Variants in SLC35F4 observed in about 807,000 individuals in gnomAD.
The protein encoded by SLC35F4 is solute carrier family 35 member F4, also known as chromosome 14 open reading frame 36.
SLC35F4 carries 24 observed loss-of-function variants against 44.2 expected under a neutral mutation model. The observed-to-expected ratio is 0.54, with a 90% CI of 0.39 to 0.76. SLC35F4 has a LOEUF of 0.76. Ranked by LOEUF, SLC35F4 falls within the 30% of genes least tolerant of loss-of-function variation. The pLI is 0.00. For missense variants in SLC35F4, 562 were observed against 586.1 expected (o/e 0.96, Z 0.42); for synonymous variants, 238 against 223.6 (o/e 1.06, Z -0.57).
Position 57,898,485 on chromosome 14 carries a change from C to G in SLC35F4, n.282+83428G>C, listed in dbSNP as rs374592906. On this transcript the variant is annotated intron_variant and non_coding_transcript_variant, in intron 1 of 1. Coordinates refer to the SLC35F4 transcript ENST00000556568. ...CAGGAGGGTATGTGGGTGCTTTGAT[C>G]AGATCATTACTTGGACAAAAACTAG... Among the ~76,000 whole-genome samples the G allele has an allele frequency of 2.0e-5, 3 of 152,166 alleles. No individual in the cohort carries two copies. In the South Asian group the frequency reaches 6.2e-4, roughly 32 times the overall value.
chr14:57,787,016 G>T (rs570549946), intron 1 of SLC35F4, among the ~76,000 whole-genome samples: 1 of 152,116 alleles, frequency 6.6e-6, no homozygotes, highest in Non-Finnish European at 1.5e-5. Flanking sequence ...TCCAAAAAAC[G>T]ATACAAGAAG....
intron 1 of SLC35F4, among the ~76,000 whole-genome samples, chr14:57,912,651 C>T (rs1256630419): frequency 2.0e-5 from 3 of 152,028 alleles, no homozygotes; most frequent in African/African-American, 7.2e-5. Flanking sequence ...GATTTCTATT[C>T]CCTTAAATTT....
At chr14:57,833,291 A>G (rs1182749162) in intron 1 of SLC35F4, among the ~76,000 whole-genome samples, 3 of 152,222 alleles carry the variant, frequency 2.0e-5, no homozygotes, top group Admixed American at 2.0e-4. Context: ...GTGACATTAA[A>G]TGATGCTTGT....
At chr14:57,883,108 A>T (rs1367048362) in intron 1 of SLC35F4, among the ~76,000 whole-genome samples, 1 of 152,090 alleles carries the variant, frequency 6.6e-6, no homozygotes, top group Admixed American at 6.6e-5. Flanking sequence ...GAGCCCACTT[A>T]TTCAAGAAGA....
chr14:57,889,677 G>A (rs1323550079), intron 1 of SLC35F4, among the ~76,000 whole-genome samples: 1 of 152,074 alleles, frequency 6.6e-6, no homozygotes, highest in Non-Finnish European at 1.5e-5. Flanking sequence ...ATAGATATAG[G>A]AATATATTAA....
chr14:57,752,416 A>G (rs908881063), intron 1 of SLC35F4, among the ~76,000 whole-genome samples: 1 of 151,894 alleles, frequency 6.6e-6, no homozygotes, highest in Admixed American at 6.6e-5. Context: ...CGGCTCTGCT[A>G]GGACACTTGA....
chr14:57,657,687 G>A (rs2074009904), intron 1 of SLC35F4, among the ~76,000 whole-genome samples: 1 of 152,148 alleles, frequency 6.6e-6, no homozygotes, highest in Admixed American at 6.6e-5. Flanking sequence ...ACAGACTGCA[G>A]CCCCAACTCA....
chr14:57,722,541 T>C (rs1029286137), intron 1 of SLC35F4, among the ~76,000 whole-genome samples: 1 of 152,174 alleles, frequency 6.6e-6, no homozygotes, highest in African/African-American at 2.4e-5. Context: ...GGAGCTGCAG[T>C]CACTCAACTA....
intron 1 of SLC35F4, among the ~76,000 whole-genome samples, chr14:57,678,667 G>T (rs1185950558): frequency 1.3e-5 from 2 of 151,562 alleles, no homozygotes; most frequent in East Asian, 1.9e-4. Flanking sequence ...ATAAAGGGAT[G>T]GAGGAATATT....
At chr14:57,808,939 T>C (rs1000434490) in intron 1 of SLC35F4, among the ~76,000 whole-genome samples, 3 of 151,476 alleles carry the variant, frequency 2.0e-5, no homozygotes, top group Non-Finnish European at 2.9e-5. Flanking sequence ...TTCTTCTTTT[T>C]TTCTAGGTCC....
chr14:57,897,576 C>T (rs776264019), intron 1 of SLC35F4, among the ~76,000 whole-genome samples: 2 of 152,050 alleles, frequency 1.3e-5, no homozygotes, highest in East Asian at 1.9e-4. Flanking sequence ...CAGTGATGCA[C>T]GATCCAGCAG....
intron 1 of SLC35F4, among the ~76,000 whole-genome samples, chr14:57,941,375 C>G (rs1009781013): frequency 5.3e-5 from 8 of 152,130 alleles, no homozygotes; most frequent in African/African-American, 1.9e-4. Context: ...AGTACTGATA[C>G]ATGCTGTAAC....
chr14:57,949,295 T>C (rs1347008697), intron 1 of SLC35F4, among the ~76,000 whole-genome samples: 3 of 152,188 alleles, frequency 2.0e-5, no homozygotes, highest in African/African-American at 4.8e-5. Flanking sequence ...CTCTTTGTCT[T>C]TATTTACTGT....
intron 1 of SLC35F4, among the ~76,000 whole-genome samples, chr14:57,892,045 T>C (rs1888781652): frequency 6.6e-6 from 1 of 152,130 alleles, no homozygotes; most frequent in Non-Finnish European, 1.5e-5. Flanking sequence ...CTTTGAAAAA[T>C]AAGAATATGG....
At chr14:57,589,004 G>A (rs2069979619) in intron 3 of SLC35F4, among the ~76,000 whole-genome samples, 1 of 152,110 alleles carries the variant, frequency 6.6e-6, no homozygotes, top group Non-Finnish European at 1.5e-5. Flanking sequence ...AATAAGTTAT[G>A]CAAAAGCACC....
chr14:57,805,999 T>G (rs1176925730), intron 1 of SLC35F4, among the ~76,000 whole-genome samples: 1 of 152,240 alleles, frequency 6.6e-6, no homozygotes, highest in Non-Finnish European at 1.5e-5. Context: ...TATTTTTATT[T>G]CTATTTTTCC....
intron 1 of SLC35F4, among the ~76,000 whole-genome samples, chr14:57,745,065 C>G (rs1350506215): frequency 1.3e-5 from 2 of 152,314 alleles, no homozygotes; most frequent in African/African-American, 2.4e-5. Context: ...TTCCTTACAC[C>G]TTATACAAAA....
intron 3 of SLC35F4, among the ~76,000 whole-genome samples, chr14:57,584,963 G>GTT (rs1178575225): frequency 2.6e-5 from 4 of 152,128 alleles, no homozygotes; most frequent in Non-Finnish European, 5.9e-5. Flanking sequence ...TATAAATACT[G>GTT]TTTAAAAATT....
At chr14:57,612,133 C>T (rs929674279) in intron 1 of SLC35F4, among the ~76,000 whole-genome samples, 1 of 152,132 alleles carries the variant, frequency 6.6e-6, no homozygotes, top group Non-Finnish European at 1.5e-5. Flanking sequence ...CACCTATAAC[C>T]CCAGCAACTT....
Sources: gnomAD v4.1 joint callset for allele counts (sites outside exome capture counted in the v4.1 genomes callset) on GRCh38, gnomAD v4.1.1 for gene constraint, MANE v1.5 for transcripts, NCBI Gene and HGNC (gene_info 2026-07-23, HGNC 2026-07-21) for gene names.